CDK14: variants seen among roughly 807,000 people sequenced by gnomAD.
CDK14 encodes cyclin dependent kinase 14.
In CDK14, 34 loss-of-function variants were observed where a neutral mutation model predicts 60.7. The observed-to-expected ratio is 0.56, with a 90% CI of 0.43 to 0.75. The LOEUF is 0.75. Among genes scored for constraint, CDK14 ranks in the 30% least tolerant of loss-of-function variants. CDK14 has a pLI of 0.00. For synonymous variants in CDK14, 197 were observed against 203.7 expected, an observed-to-expected ratio of 0.97 and a Z score of 0.28; for missense variants, 482 against 564.1, an observed-to-expected ratio of 0.85 and a Z score of 1.47.
At chr7:90,744,653 C>A (rs1419733582) in intron 3 of CDK14, among the ~76,000 whole-genome samples, 1 of 147,994 alleles carries the variant, frequency 6.8e-6, no homozygotes, top group Non-Finnish European at 1.5e-5. Flanking sequence ...ACCCCCCCAC[C>A]TCCCTCCCGG....
At chr7:90,990,348 T>C (rs970397853) in intron 10 of CDK14, among the ~76,000 whole-genome samples, 7 of 152,180 alleles carry the variant, frequency 4.6e-5, no homozygotes, top group Non-Finnish European at 1.0e-4. Flanking sequence ...AGTAGAGAAT[T>C]AAACAACACC....
intron 8 of CDK14, among the ~76,000 whole-genome samples, chr7:90,944,504 G>A (rs958149569): frequency 3.9e-5 from 6 of 152,294 alleles, no homozygotes; most frequent in South Asian, 2.1e-4. Context: ...AAGCTGAGGC[G>A]GGAGGACCAC....
At chr7:90,996,455 A>G (rs953845138) in intron 10 of CDK14, among the ~76,000 whole-genome samples, 1 of 152,212 alleles carries the variant, frequency 6.6e-6, no homozygotes, top group Non-Finnish European at 1.5e-5. Flanking sequence ...ATGTCTCACT[A>G]TTACATAACT....
At chr7:91,176,988 C>G (rs911176877) in intron 14 of CDK14, among the ~76,000 whole-genome samples, 12 of 151,660 alleles carry the variant, frequency 7.9e-5, no homozygotes, top group African/African-American at 2.9e-4. Flanking sequence ...ATACCAAAGC[C>G]AGGCAGAGAC....
chr7:90,934,015 T>C (rs1162039027), intron 8 of CDK14, among the ~76,000 whole-genome samples: 2 of 152,236 alleles, frequency 1.3e-5, no homozygotes, highest in African/African-American at 2.4e-5. Context: ...GCTTTATTCT[T>C]ATTTAGCCTG....
intron 10 of CDK14, among the ~76,000 whole-genome samples, chr7:91,012,965 AC>A (rs1796203372): frequency 6.6e-6 from 1 of 152,228 alleles, no homozygotes; most frequent in Admixed American, 6.5e-5. Flanking sequence ...CTGGGATTGC[AC>A]CATGCTCTGG....
At chr7:90,672,923 A>G (rs1486025182) in intron 2 of CDK14, among the ~76,000 whole-genome samples, 5 of 152,136 alleles carry the variant, frequency 3.3e-5, no homozygotes, top group Non-Finnish European at 5.9e-5. Context: ...ATGTTTTACT[A>G]TTACAGAGGA....
At chr7:91,186,738 G>T (rs1428126915) in intron 14 of CDK14, among the ~76,000 whole-genome samples, 1 of 151,988 alleles carries the variant, frequency 6.6e-6, no homozygotes, top group Non-Finnish European at 1.5e-5. Context: ...TTTTTTGTTT[G>T]GTTTTGTTTT....
At chr7:91,157,955 G>A (rs560228959) in intron 14 of CDK14, among the ~76,000 whole-genome samples, 5 of 151,918 alleles carry the variant, frequency 3.3e-5, no homozygotes, top group South Asian at 2.1e-4. Flanking sequence ...GGTCTGGCAC[G>A]TGCCATCTGG....
chr7:90,744,841 C>CG (rs369976428), intron 3 of CDK14, among the ~76,000 whole-genome samples: 122,719 of 126,954 alleles, frequency 0.97, 60,553 homozygotes, highest in East Asian at 0.98. Flanking sequence ...CCCTCCCGGA[C>CG]GGGGGCTGAC....
intron 9 of CDK14, 119 bp downstream of exon 9, chr7:90,955,936 T>A: frequency 1.7e-6 from 2 of 1,148,200 alleles, no homozygotes; most frequent in Non-Finnish European, 2.5e-6. Flanking sequence ...TTTGCCTGCA[T>A]GTGGCCATGC....
At chr7:90,780,482 A>T (rs1022846609) in intron 4 of CDK14, among the ~76,000 whole-genome samples, 1 of 150,952 alleles carries the variant, frequency 6.6e-6, no homozygotes, top group African/African-American at 2.4e-5. Flanking sequence ...TGTGCAGGTT[A>T]GTTACATATG....
chr7:90,621,655 T>TCCTG (rs1457462136), intron 2 of CDK14, among the ~76,000 whole-genome samples: 1,837 of 111,378 alleles, frequency 0.016, 32 homozygotes, highest in African/African-American at 0.032. Context: ...CTTCCTTCCT[T>TCCTG]CCTTCCTTCC....
chr7:90,608,517 C>G (rs6964856), intron 2 of CDK14: 1 of 976,222 alleles, frequency 1.0e-6, no homozygotes, highest in Non-Finnish European at 1.2e-6. Context: ...TGCTTTATCC[C>G]TCTGTTTTTT....
chr7:91,013,802 A>C (rs1212503215), intron 10 of CDK14, among the ~76,000 whole-genome samples: 1 of 152,048 alleles, frequency 6.6e-6, no homozygotes, highest in Non-Finnish European at 1.5e-5. Flanking sequence ...TTGAGGGAAC[A>C]TGTAATGAAG....
At chr7:91,053,740 T>C (rs966888445) in intron 11 of CDK14, among the ~76,000 whole-genome samples, 1 of 152,090 alleles carries the variant, frequency 6.6e-6, no homozygotes, top group Non-Finnish European at 1.5e-5. Flanking sequence ...TTTTAGAAGG[T>C]GATAGAAAAG....
intron 3 of CDK14, among the ~76,000 whole-genome samples, chr7:90,744,878 G>A (rs1347800166): frequency 2.8e-5 from 4 of 141,738 alleles, no homozygotes; most frequent in Admixed American, 6.9e-5. Flanking sequence ...CGGACGGGGC[G>A]GCTGGCCGGG....
chr7:90,741,434 A>G (rs1224698650), intron 3 of CDK14, among the ~76,000 whole-genome samples: 2 of 152,142 alleles, frequency 1.3e-5, no homozygotes, highest in Admixed American at 6.5e-5. Context: ...CACATAAATT[A>G]AGTTCTTTTT....
At chr7:90,904,659 G>A (rs1043512176) in intron 7 of CDK14, among the ~76,000 whole-genome samples, 1 of 151,502 alleles carries the variant, frequency 6.6e-6, no homozygotes, top group African/African-American at 2.4e-5. Flanking sequence ...AAAAAGGAGG[G>A]AATCATTAAA....
Sources: allele counts gnomAD v4.1 joint callset (sites outside exome capture counted in the v4.1 genomes callset), GRCh38; gene constraint gnomAD v4.1.1; transcripts MANE v1.5; gene names NCBI Gene and HGNC (gene_info 2026-07-23, HGNC 2026-07-21).